Variants in RENBP observed in about 807,000 individuals in gnomAD.
RENBP encodes renin binding protein.
RENBP carries 16 observed loss-of-function variants against 37.8 expected under a neutral mutation model. That is an observed-to-expected ratio of 0.42 (90% CI 0.29 to 0.64). The LOEUF is 0.64. RENBP is among the 30% of genes least tolerant of loss of function. The probability of loss-of-function intolerance (pLI) is 0.19; values close to 1 mark genes in which losing one functional copy is unlikely to be tolerated. For synonymous variants in RENBP, 170 were observed against 154.8 expected, an observed-to-expected ratio of 1.10 and a Z score of -0.73; for missense variants, 347 against 379.5, an observed-to-expected ratio of 0.91 and a Z score of 0.71.
chrX:153,942,785 C>A, intron 6 of RENBP, 70 bp downstream of exon 6: 1 of 903,236 alleles, frequency 1.1e-6, no homozygotes, highest in Non-Finnish European at 1.6e-6. Context: ...GTGTGTCGAG[C>A]CCCAGGGTGC....
chrX:153,936,040 G>T, intron 9 of RENBP: 1 of 192,912 alleles, frequency 5.2e-6, no homozygotes, highest in South Asian at 6.8e-5. Flanking sequence ...GGCTGAGGCG[G>T]GAGAATAGCT....
At position 153,942,008 on chromosome X, in the gene RENBP, C is replaced by T; in HGVS notation, c.711G>A (p.Glu237=). The T allele has an allele frequency of 9.3e-7, 1 of 1,072,976 alleles. No homozygotes were observed. 88.4% of individuals were successfully genotyped at this position (1,072,976 alleles called of 1,213,427 possible). ...HVQRDGQAVL[E]NVSEGGKELP... ...GTTCCTTGCCACCCTCTGACACATTCTCCAGCACAGCTTGTCCATCCCTCT... is the reference window on the plus strand; with the variant it reads ...GTTCCTTGCCACCCTCTGACACATTTTCCAGCACAGCTTGTCCATCCCTCT... Residue 237 remains glutamate (E), a synonymous_variant, in exon 7 of 11, where the codon GAG becomes GAA. Coordinates refer to ENST00000393700, the MANE Select transcript of RENBP (RefSeq NM_002910.6).
At chrX:153,941,687 C>T (rs781953950) in intron 7 of RENBP, 34 bp from the exon 8 acceptor site, 9 of 286,636 alleles carry the variant, frequency 3.1e-5, no homozygotes, top group African/African-American at 2.8e-4. Flanking sequence ...GGGCGGGGGG[C>T]GGGGGGTGGG....
chrX:153,940,247 A>G lies in RENBP; in HGVS notation c.946-14T>C, dbSNP rs1557109316. On this transcript the variant is annotated splice_polypyrimidine_tract_variant and intron_variant, in intron 8 of 10. Coordinates refer to ENST00000393700, the MANE Select transcript of RENBP (RefSeq NM_002910.6). Reference sequence around the variant, plus strand: ...GGCCCACTCCAGCTGAGGGGAGAGCAGGGGCAGGCATCTCAGCAGGAAACT... The same window carrying G: ...GGCCCACTCCAGCTGAGGGGAGAGCGGGGGCAGGCATCTCAGCAGGAAACT... 2 of 1,209,818 alleles carry G rather than the reference A, an allele frequency of 1.7e-6. No individual in the cohort carries two copies. Among genetic ancestry groups the G allele is most frequent in the East Asian group, 3.0e-5 (1 of 33,795 alleles).
chrX:153,936,342 C>T (rs1272911856), intron 9 of RENBP, among the ~76,000 whole-genome samples: 2 of 106,057 alleles, frequency 1.9e-5, no homozygotes, highest in Non-Finnish European at 3.9e-5. Context: ...CCCGTCTCTA[C>T]TAAAATACAA....
chrX:153,942,588 G>A (rs2065232079), intron 6 of RENBP: 1 of 400,538 alleles, frequency 2.5e-6, no homozygotes, highest in Admixed American at 4.6e-5. Flanking sequence ...CTCCAGCAGG[G>A]GAGGGTGAAA....
At position 153,935,375 on chromosome X, in the gene RENBP, T is replaced by G. The variant is rs782668246; in HGVS notation, c.1195A>C (p.Met399Leu). ...AGGGCGCCCAGCATCTCCTCGCACATGGCTAGGCACCGCGGCACGTGGAAG... is the reference window on the plus strand; with the variant it reads ...AGGGCGCCCAGCATCTCCTCGCACAGGGCTAGGCACCGCGGCACGTGGAAG... ...GCFHVPRCLA[M>L]CEEMLGALLS... is the part of the protein sequence containing the mutation. The change falls in exon 11 of 11, where the codon ATG (methionine) becomes CTG (leucine). Residue 399 changes from methionine (M) to leucine (L), a missense_variant. Transcript: ENST00000393700. The G allele has an allele frequency of 6.2e-6, 7 of 1,137,792 alleles. No individual in the cohort carries two copies. The highest frequency in any genetic ancestry group is 2.3e-6 in the Non-Finnish European group (2 of 857,479). The allele number at this position is 1,137,792 out of a possible 1,213,427, so 93.8% of individuals were successfully genotyped here.
In RENBP at chrX:153,943,727, TG is replaced by T. The variant is rs1557110039; in HGVS notation, c.290-10del. ...CAGCAAGAACTCACCACCTGGAGGT[TG>T]GGGGGTTGGCATGCCAGGGGTAAGG... On this transcript the variant is annotated splice_polypyrimidine_tract_variant and intron_variant, in intron 4 of 10. Transcript: ENST00000393700. 2 of 1,206,746 alleles carry T rather than the reference TG, an allele frequency of 1.7e-6. No individual in the cohort carries two copies. Among genetic ancestry groups the T allele is most frequent in the South Asian group, 1.8e-5 (1 of 56,286 alleles).
intron 5 of RENBP, 120 bp downstream of exon 5, chrX:153,943,426 A>T: frequency 1.3e-6 from 1 of 741,169 alleles, no homozygotes; most frequent in East Asian, 3.5e-5. Context: ...TCAGAGGTGA[A>T]GGGGACTTGG....
At position 153,943,628 on chromosome X, in the gene RENBP, A is replaced by G; in HGVS notation, c.380T>C (p.Val127Ala). Residue 127 changes from valine (V) to alanine (A), a missense_variant, in exon 5 of 11, where the codon GTG becomes GCG. By Grantham distance (64) the Val-to-Ala change is moderately conservative. Around this residue, in one of 3 missense-constraint regions of RENBP, gnomAD observed 244 missense variants for 279.4 expected, o/e 0.87. Coordinates refer to ENST00000393700, the MANE Select transcript of RENBP (RefSeq NM_002910.6). ...VLTRDGRPVK[V>A]QRTIFSECFY... ...ACACTCACTGAAGATGGTTCGCTGC[A>G]CCTTGACCGGGCGGCCGTCCCGAGT... is the stretch of plus-strand genomic sequence containing the variant. 1 of 1,211,236 alleles carries G rather than the reference A, an allele frequency of 8.3e-7. No homozygotes were observed. Among genetic ancestry groups the G allele is most frequent in the Non-Finnish European group, 1.1e-6 (1 of 895,381 alleles).
chrX:153,944,043 G>A, intron 3 of RENBP, 37 bp downstream of exon 3: 2 of 1,205,268 alleles, frequency 1.7e-6, no homozygotes, highest in African/African-American at 3.5e-5. Context: ...GAGGCGATGG[G>A]CCGTGTGCCT....
chrX:153,942,947 C>T lies in RENBP; in HGVS notation c.595G>A (p.Val199Met), dbSNP rs139094225. The T allele has an allele frequency of 2.1e-5, 25 of 1,210,119 alleles. No homozygotes were observed. The Middle Eastern group carries it at 6.9e-4, about 33-fold the overall frequency. Residue 199 changes from valine to methionine, a missense_variant, in exon 6 of 11, where the codon GTG becomes ATG. Around this residue, in one of 3 missense-constraint regions of RENBP, gnomAD observed 244 missense variants for 279.4 expected, o/e 0.87. Transcript: ENST00000393700. ...TCATCTGCCTCCCCGAGCTGCTCCACCAGGTTCAGTAGCATCATGGGCACC... is the reference window on the plus strand; with the variant it reads ...TCATCTGCCTCCCCGAGCTGCTCCATCAGGTTCAGTAGCATCATGGGCACC... The part of the protein sequence containing the change: ...MAVPMMLLNL[V>M]EQLGEADEEL...
intron 9 of RENBP, among the ~76,000 whole-genome samples, chrX:153,938,796 G>GTTTTTTTTTT (rs782397481): frequency 1.3e-5 from 1 of 75,019 alleles, no homozygotes; most frequent in Non-Finnish European, 2.4e-5. Context: ...TTTTTTTTTT[G>GTTTTTTTTTT]TTTTTTTTTT....
intron 3 of RENBP, 49 bp from the exon 4 acceptor site, chrX:153,944,019 G>C (rs1313733738): frequency 8.3e-7 from 1 of 1,204,539 alleles, no homozygotes; most frequent in East Asian, 3.0e-5. Flanking sequence ...CTGGGGTGAG[G>C]TGGGGAGACC....
At chrX:153,940,271 C>A in intron 8 of RENBP, 38 bp from the exon 9 acceptor site, 1 of 1,204,669 alleles carries the variant, frequency 8.3e-7, no homozygotes, top group Non-Finnish European at 1.1e-6. Context: ...CAGCAGGAAA[C>A]TCCCCTCCGC....
rs782753612 is a variant in RENBP at position 153,943,639 on chromosome X, G to C, written c.369C>G (p.Arg123=). 1 of 1,211,556 alleles carries C rather than the reference G, an allele frequency of 8.3e-7. No individual in the cohort carries two copies. Among genetic ancestry groups the C allele is most frequent in the Admixed American group, 2.2e-5 (1 of 46,082 alleles). Residue 123 remains arginine (R), a synonymous_variant, in exon 5 of 11, where the codon CGC becomes CGG. Transcript: ENST00000393700. ...AGATGGTTCGCTGCACCTTGACCGG[G>C]CGGCCGTCCCGAGTCAGCACAAAGG... ...KCAFVLTRDG[R]PVKVQRTIFS...
chrX:153,938,449 GT>G (rs1171723338), intron 9 of RENBP, among the ~76,000 whole-genome samples: 5 of 112,551 alleles, frequency 4.4e-5, no homozygotes, highest in Admixed American at 9.4e-5. Context: ...AGTCCTCGCA[GT>G]ACCAGGGTTC....
chrX:153,941,835 C>T (rs2065227908), intron 7 of RENBP, 115 bp downstream of exon 7: 3 of 790,287 alleles, frequency 3.8e-6, no homozygotes, highest in South Asian at 2.2e-5. Flanking sequence ...AGCCCATCCT[C>T]GCTCCTCTGC....
At chrX:153,942,218 T>G in intron 6 of RENBP, 187 bp from the exon 7 acceptor site, 1 of 284,379 alleles carries the variant, frequency 3.5e-6, no homozygotes, top group Non-Finnish European at 6.0e-6. Context: ...CCCTTGGGCC[T>G]AGCAAGTTGT....
Sources: gnomAD v4.1 joint callset for allele counts (sites outside exome capture counted in the v4.1 genomes callset) on GRCh38, gnomAD v4.1.1 for gene constraint, gnomAD v4.1.1 regional missense constraint, MANE v1.5 for transcripts, NCBI Gene and HGNC (gene_info 2026-07-23, HGNC 2026-07-21) for gene names.